PDE1C: variants seen among roughly 807,000 people sequenced by gnomAD.
PDE1C encodes the protein dual specificity calcium/calmodulin-dependent 3',5'-cyclic nucleotide phosphodiesterase 1C.
A neutral mutation model predicts 93.1 loss-of-function variants in PDE1C; 62 were observed. That is an observed-to-expected ratio of 0.67 (90% CI 0.54 to 0.82). PDE1C has a LOEUF of 0.82. Ranked by LOEUF, PDE1C falls within the 40% of genes least tolerant of loss-of-function variation. The pLI, the probability that PDE1C is intolerant of heterozygous loss-of-function variation, is 0.00. For missense variants in PDE1C, 742 were observed against 884.6 expected (o/e 0.84, Z 2.04); for synonymous variants, 325 against 310.1 (o/e 1.05, Z -0.50).
At chr7:32,283,262 G>C (rs1018794612) in intron 1 of PDE1C, among the ~76,000 whole-genome samples, 2 of 151,984 alleles carry the variant, frequency 1.3e-5, no homozygotes, top group African/African-American at 4.8e-5. Context: ...TGTTAGATGG[G>C]AAAAATAAAC....
intron 1 of PDE1C, among the ~76,000 whole-genome samples, chr7:32,418,232 TA>T (rs11292863): frequency 0.045 from 6,828 of 152,194 alleles, 517 homozygotes; most frequent in African/African-American, 0.16. Flanking sequence ...GTTGGCCAAT[TA>T]TTTTTTTATC....
intron 9 of PDE1C, among the ~76,000 whole-genome samples, chr7:31,838,786 A>G (rs1171985446): frequency 1.3e-5 from 2 of 152,126 alleles, no homozygotes; most frequent in East Asian, 1.9e-4. Flanking sequence ...TACAATTTAC[A>G]TAAATTGCAG....
intron 1 of PDE1C, among the ~76,000 whole-genome samples, chr7:32,315,072 C>T (rs1439814589): frequency 6.7e-6 from 1 of 148,760 alleles, no homozygotes; most frequent in African/African-American, 2.5e-5. Context: ...TGCTGGAGTT[C>T]TGAAGAAAAT....
chr7:32,244,190 GA>G (rs1157528187), intron 1 of PDE1C, among the ~76,000 whole-genome samples: 5 of 152,190 alleles, frequency 3.3e-5, no homozygotes, highest in African/African-American at 1.2e-4. Flanking sequence ...TGGTAGAAAA[GA>G]AGAGGGCGGG....
At chr7:32,092,854 G>A (rs1020740429) in intron 3 of PDE1C, among the ~76,000 whole-genome samples, 4 of 151,180 alleles carry the variant, frequency 2.6e-5, no homozygotes, top group African/African-American at 9.8e-5. Flanking sequence ...TACACAACTT[G>A]TAGTTGTGAA....
intron 1 of PDE1C, among the ~76,000 whole-genome samples, chr7:32,336,812 T>G (rs1365523016): frequency 6.6e-6 from 1 of 152,194 alleles, no homozygotes. Context: ...AAACTTGTTA[T>G]AGGAGAAAAG....
chr7:31,915,534 T>G (rs917817792), intron 2 of PDE1C, among the ~76,000 whole-genome samples: 13 of 152,212 alleles, frequency 8.5e-5, no homozygotes, highest in Non-Finnish European at 1.3e-4. Context: ...ATTAATGATA[T>G]ATGCATGTAC....
At chr7:32,140,444 G>A (rs906059435) in intron 3 of PDE1C, among the ~76,000 whole-genome samples, 1 of 152,160 alleles carries the variant, frequency 6.6e-6, no homozygotes, top group Non-Finnish European at 1.5e-5. Flanking sequence ...CATCATCTGT[G>A]GATTCTCACG....
intron 1 of PDE1C, among the ~76,000 whole-genome samples, chr7:32,387,926 C>T (rs1784673718): frequency 6.6e-6 from 1 of 152,198 alleles, no homozygotes; most frequent in Admixed American, 6.5e-5. Flanking sequence ...CAGCTCCAGT[C>T]AGCTCTTCCA....
At chr7:31,710,144 A>G in the PDE1C span, among the ~76,000 whole-genome samples, 275 of 152,288 alleles carry the variant, frequency 1.8e-3, 3 homozygotes, top group Non-Finnish European at 2.4e-3. Context: ...GTGAGTCTCT[A>G]TCTCAGGAAA....
At chr7:32,426,901 A>G (rs1176539839) in intron 1 of PDE1C, among the ~76,000 whole-genome samples, 3 of 152,180 alleles carry the variant, frequency 2.0e-5, no homozygotes, top group African/African-American at 7.2e-5. Context: ...CATCCCCGTG[A>G]GCACCACAAA....
chr7:31,967,495 G>A (rs972208081), intron 2 of PDE1C, among the ~76,000 whole-genome samples: 6 of 152,144 alleles, frequency 3.9e-5, no homozygotes, highest in Non-Finnish European at 7.4e-5. Context: ...GAAAGTCCAC[G>A]ACCAGATGGA....
At chr7:32,310,190 A>G (rs534007686) in intron 1 of PDE1C, among the ~76,000 whole-genome samples, 3 of 152,000 alleles carry the variant, frequency 2.0e-5, no homozygotes, top group Admixed American at 1.3e-4. Context: ...CAATTCAACA[A>G]GAAGAGCTAA....
chr7:32,312,051 G>C (rs1031995804), intron 1 of PDE1C, among the ~76,000 whole-genome samples: 34 of 150,446 alleles, frequency 2.3e-4, no homozygotes, highest in African/African-American at 8.3e-4. Context: ...AGCAACTTCA[G>C]CAAAGTCTCA....
At chr7:32,283,966 C>T (rs1412770070) in intron 1 of PDE1C, among the ~76,000 whole-genome samples, 13 of 152,146 alleles carry the variant, frequency 8.5e-5, no homozygotes, top group African/African-American at 3.1e-4. Flanking sequence ...GTAAATACTA[C>T]CTTGATCAAC....
intron 4 of PDE1C, 118 bp from the exon 5 acceptor site, chr7:31,878,154 C>T (rs914719451): frequency 3.2e-6 from 2 of 625,170 alleles, no homozygotes; most frequent in Non-Finnish European, 5.4e-6. Context: ...ATCCAAAGAA[C>T]CTAAAATTCA....
rs1318925801 is a variant in PDE1C at position 32,420,122 on chromosome 7, TATACACACACAC to T, written c.310+7688_310+7699del. ...ATATATATATATATATATATATATA[TATACACACACAC>T]ACACACACACACACACACACACACA... On this transcript the variant is annotated intron_variant, in intron 1 of 1. Transcript: ENST00000672256. Among the ~76,000 whole-genome samples the T allele has an allele frequency of 1.5e-3, 30 of 19,560 alleles. 6 individuals carry two copies. Among genetic ancestry groups the T allele is most frequent in the Non-Finnish European group, 2.5e-3 (22 of 8,936 alleles). 12.8% of individuals were successfully genotyped at this position (19,560 alleles called of 152,430 possible).
intron 2 of PDE1C, among the ~76,000 whole-genome samples, chr7:31,962,474 G>C (rs541273133): frequency 1.3e-5 from 2 of 152,186 alleles, no homozygotes; most frequent in Non-Finnish European, 2.9e-5. Context: ...AGTCATTTCT[G>C]CTTCAACTGC....
At chr7:32,086,045 G>A (rs960470948) in intron 3 of PDE1C, among the ~76,000 whole-genome samples, 36 of 151,614 alleles carry the variant, frequency 2.4e-4, no homozygotes, top group Non-Finnish European at 4.3e-4. Context: ...ATTCAATTAG[G>A]AAAAGAGGAA....
Sources: allele counts gnomAD v4.1 joint callset (sites outside exome capture counted in the v4.1 genomes callset), GRCh38; gene constraint gnomAD v4.1.1; transcripts MANE v1.5; gene names NCBI Gene and HGNC (gene_info 2026-07-23, HGNC 2026-07-21).